Variants in COX7B2 observed in about 807,000 individuals in gnomAD.
COX7B2 encodes the protein cytochrome c oxidase subunit 7B2, also known as cytochrome c oxidase subunit 7B2, mitochondrial.
For missense variants in COX7B2, 109 were observed against 95.9 expected, an observed-to-expected ratio of 1.14 and a Z score of -0.57; for synonymous variants, 37 against 32.1, an observed-to-expected ratio of 1.15 and a Z score of -0.51.
intron 1 of COX7B2, among the ~76,000 whole-genome samples, chr4:46,872,503 T>C (rs1718055557): frequency 6.6e-6 from 1 of 152,170 alleles, no homozygotes; most frequent in Admixed American, 6.5e-5. Context: ...TAAATACAAC[T>C]GGCTCTTGAA....
intron 2 of COX7B2, among the ~76,000 whole-genome samples, chr4:46,761,248 T>C (rs1375925094): frequency 6.6e-6 from 1 of 152,178 alleles, no homozygotes; most frequent in African/African-American, 2.4e-5. Context: ...CCCTGTTCTA[T>C]CTGTACAACC....
At chr4:46,761,593 G>A (rs988652735) in intron 2 of COX7B2, among the ~76,000 whole-genome samples, 9 of 152,180 alleles carry the variant, frequency 5.9e-5, no homozygotes, top group African/African-American at 2.2e-4. Flanking sequence ...TTTTCCAGAG[G>A]TTACAAATTC....
intron 2 of COX7B2, among the ~76,000 whole-genome samples, chr4:46,778,105 G>A (rs905674624): frequency 6.6e-6 from 1 of 152,090 alleles, no homozygotes; most frequent in Non-Finnish European, 1.5e-5. Context: ...AAGACAAAGA[G>A]CATTTTTCTT....
intron 1 of COX7B2, among the ~76,000 whole-genome samples, chr4:46,864,276 TTA>T (rs1351008813): frequency 2.0e-5 from 3 of 152,250 alleles, no homozygotes; most frequent in African/African-American, 7.2e-5. Flanking sequence ...AACCTGTTTC[TTA>T]TGAGCCCCCC....
intron 1 of COX7B2, among the ~76,000 whole-genome samples, chr4:46,895,033 T>TTGG (rs1017913952): frequency 2.0e-4 from 31 of 152,266 alleles, no homozygotes; most frequent in African/African-American, 7.5e-4. Flanking sequence ...CAAGCAACCG[T>TTGG]TGGTGGTGGT....
intron 2 of COX7B2, among the ~76,000 whole-genome samples, chr4:46,818,819 A>G (rs983388459): frequency 6.6e-6 from 1 of 152,196 alleles, no homozygotes; most frequent in Non-Finnish European, 1.5e-5. Flanking sequence ...TATTAGTCTT[A>G]ACTGTTCCAC....
intron 1 of COX7B2, among the ~76,000 whole-genome samples, chr4:46,906,644 C>G (rs1364181818): frequency 6.6e-6 from 1 of 152,102 alleles, no homozygotes; most frequent in East Asian, 1.9e-4. Context: ...CTAACATACT[C>G]CTCTAGTTCT....
chr4:46,805,952 T>A (rs994990291), intron 2 of COX7B2, among the ~76,000 whole-genome samples: 2 of 152,146 alleles, frequency 1.3e-5, no homozygotes, highest in Non-Finnish European at 2.9e-5. Flanking sequence ...GGATCCAGGA[T>A]TTTTTCTTCT....
chr4:46,757,569 A>G (rs776713671), intron 2 of COX7B2, among the ~76,000 whole-genome samples: 8 of 151,770 alleles, frequency 5.3e-5, no homozygotes. Flanking sequence ...TTACTTCTAC[A>G]AAATCTTATC....
intron 2 of COX7B2, among the ~76,000 whole-genome samples, chr4:46,741,668 A>G (rs1437991146): frequency 3.3e-5 from 5 of 152,196 alleles, no homozygotes; most frequent in African/African-American, 1.2e-4. Context: ...ATGGTTTATG[A>G]TACAACTCAG....
intron 2 of COX7B2, among the ~76,000 whole-genome samples, chr4:46,830,613 A>G (rs1355914906): frequency 2.0e-5 from 3 of 152,226 alleles, no homozygotes; most frequent in Non-Finnish European, 4.4e-5. Flanking sequence ...GGAAGTGTTC[A>G]CAGAGCAATT....
intron 1 of COX7B2, among the ~76,000 whole-genome samples, chr4:46,875,688 A>G (rs1718275254): frequency 6.6e-6 from 1 of 151,854 alleles, no homozygotes; most frequent in Non-Finnish European, 1.5e-5. Flanking sequence ...CTAACGTCCT[A>G]TGACTTCCCA....
intron 2 of COX7B2, among the ~76,000 whole-genome samples, chr4:46,788,708 A>C (rs139181876): frequency 4.1e-4 from 62 of 152,346 alleles, no homozygotes; most frequent in Non-Finnish European, 2.9e-5. Context: ...ACACAAAATG[A>C]GGATAATGAT....
chr4:46,893,614 C>T (rs1427288646), intron 1 of COX7B2, among the ~76,000 whole-genome samples: 1 of 152,056 alleles, frequency 6.6e-6, no homozygotes, highest in East Asian at 1.9e-4. Context: ...ATGCTAGAGG[C>T]TTATTCATGG....
At chr4:46,851,842 C>T (rs906253164) in intron 1 of COX7B2, among the ~76,000 whole-genome samples, 3 of 152,088 alleles carry the variant, frequency 2.0e-5, no homozygotes, top group Admixed American at 6.6e-5. Flanking sequence ...ACTTTCTTAG[C>T]GCATCAAGAC....
chr4:46,871,420 T>C (rs1235193096), intron 1 of COX7B2, among the ~76,000 whole-genome samples: 1 of 152,116 alleles, frequency 6.6e-6, no homozygotes, highest in Non-Finnish European at 1.5e-5. Flanking sequence ...ATCCTGCACA[T>C]AGGAACTTGC....
At chr4:46,778,659 AAT>A (rs1282739007) in intron 2 of COX7B2, among the ~76,000 whole-genome samples, 6 of 152,160 alleles carry the variant, frequency 3.9e-5, no homozygotes, top group Non-Finnish European at 5.9e-5. Flanking sequence ...GACATTTTTA[AAT>A]ATAGCTTATG....
chr4:46,888,736 G>A lies in COX7B2; in HGVS notation c.-105+20424C>T, dbSNP rs548408471. ...GCTGGGATTACAGGCATGAGCCACC[G>A]CGCCCAGCCTATGTTTCTTAAACAT... On this transcript the variant is annotated intron_variant, in intron 1 of 2. Transcript: ENST00000355591. Among the ~76,000 whole-genome samples the A allele has an allele frequency of 7.2e-5, 11 of 152,172 alleles. No individual in the cohort carries two copies. The South Asian group carries it at 1.0e-3, about 14-fold the overall frequency.
At chr4:46,792,133 A>G (rs1718081273) in intron 2 of COX7B2, among the ~76,000 whole-genome samples, 1 of 152,162 alleles carries the variant, frequency 6.6e-6, no homozygotes, top group African/African-American at 2.4e-5. Flanking sequence ...ATGGTGGCAA[A>G]ACCTATTGGA....
Sources: gnomAD v4.1 joint callset for allele counts (sites outside exome capture counted in the v4.1 genomes callset) on GRCh38, gnomAD v4.1.1 for gene constraint, MANE v1.5 for transcripts, NCBI Gene and HGNC (gene_info 2026-07-23, HGNC 2026-07-21) for gene names.